The following C6orf163 variants were observed in gnomAD, a reference collection of about 807,000 sequenced individuals.
C6orf163 encodes chromosome 6 open reading frame 163, also known as uncharacterized protein C6orf163.
In C6orf163, 22 loss-of-function variants were observed where a neutral mutation model predicts 28.4. The ratio of observed to expected loss-of-function variants is 0.78; its 90% CI spans 0.55 to 1.11. The LOEUF is 1.11. C6orf163 is among the 50% of genes least tolerant of loss of function. C6orf163 has a pLI of 0.00. For synonymous variants in C6orf163, 110 were observed against 123.6 expected, an observed-to-expected ratio of 0.89 and a Z score of 0.73; for missense variants, 342 against 389.1, an observed-to-expected ratio of 0.88 and a Z score of 1.02.
At position 87,344,963 on chromosome 6, in the gene C6orf163, C is replaced by T. The variant is rs1028975939; in HGVS notation, c.-137C>T. The T allele has an allele frequency of 6.0e-6, 4 of 663,362 alleles. No individual in the cohort carries two copies. The highest frequency in any genetic ancestry group is 1.0e-5 in the Non-Finnish European group (4 of 401,062). The allele number at this position is 663,362 out of a possible 1,614,324, so 41.1% of individuals were successfully genotyped here. A position where few individuals can be genotyped will look rare whatever the true frequency, so the allele number is the denominator to read the frequency against. On this transcript the variant is annotated 5_prime_UTR_variant, in exon 1 of 5. Coordinates refer to ENST00000388923, the MANE Select transcript of C6orf163 (RefSeq NM_001010868.3). Reference sequence around the variant, plus strand: ...GCCTAATCACTTGAACCATTTAATCCTTACCAGCCTCTAGCATTATCCTAA... The same window carrying T: ...GCCTAATCACTTGAACCATTTAATCTTTACCAGCCTCTAGCATTATCCTAA...
intron 4 of C6orf163, chr6:87,358,188 TAAG>T (rs1193228693): frequency 6.6e-6 from 1 of 152,096 alleles, no homozygotes; most frequent in African/African-American, 2.4e-5. Flanking sequence ...CATCAAGACT[TAAG>T]GATTCAGAAC....
In C6orf163 at chr6:87,356,440, C is replaced by T; in HGVS notation, c.491C>T (p.Ala164Val). ...MMECHREKVE[A>V]VEKARAEERH... ...GAATGCCACAGAGAGAAGGTCGAAG[C>T]TGTGGAGAAAGCCAGGGCTGAAGAA... The change falls in exon 4 of 5, where the codon GCT (alanine) becomes GTT (valine). Residue 164 changes from alanine (A) to valine (V), a missense_variant. Physicochemically the swap from Ala to Val is moderately conservative, Grantham distance 64. Coordinates refer to ENST00000388923, the MANE Select transcript of C6orf163 (RefSeq NM_001010868.3). 6.4e-7 allele frequency: 1 copy of T among 1,551,768 alleles called. No homozygotes were observed. Among genetic ancestry groups the T allele is most frequent in the Non-Finnish European group, 8.7e-7 (1 of 1,147,008 alleles).
At chr6:87,348,318 C>T (rs1388590458) in intron 1 of C6orf163, 1 of 985,410 alleles carries the variant, frequency 1.0e-6, no homozygotes, top group Non-Finnish European at 1.2e-6. Flanking sequence ...AAATAGTAAA[C>T]TTCTACCCCT....
At chr6:87,354,683 T>C (rs1777471609) in intron 3 of C6orf163, among the ~76,000 whole-genome samples, 1 of 152,234 alleles carries the variant, frequency 6.6e-6, no homozygotes, top group South Asian at 2.1e-4. Context: ...TTGGAGAGAT[T>C]CTTAAAGTTG....
Position 87,350,521 on chromosome 6 carries a change from T to G in C6orf163, c.351+20T>G. The stretch of plus-strand genomic sequence containing the variant: ...TTACAGGTTTTTATAGTGGCTTATT[T>G]GTTGTCTTTTAAAAGTAATTACATT... On this transcript the variant is annotated intron_variant, in intron 3 of 4. Coordinates refer to ENST00000388923, the MANE Select transcript of C6orf163 (RefSeq NM_001010868.3). 7.4e-7 allele frequency: 1 copy of G among 1,351,090 alleles called. No individual in the cohort carries two copies. Among genetic ancestry groups the G allele is most frequent in the Non-Finnish European group, 1.0e-6 (1 of 991,084 alleles). The allele number at this position is 1,351,090 out of a possible 1,614,324, so 83.7% of individuals were successfully genotyped here. A position where few individuals can be genotyped will look rare whatever the true frequency, so the allele number is the denominator to read the frequency against.
intron 3 of C6orf163, among the ~76,000 whole-genome samples, chr6:87,353,558 G>A (rs1777453225): frequency 6.6e-6 from 1 of 151,748 alleles, no homozygotes; most frequent in Non-Finnish European, 1.5e-5. Context: ...GTTTGCAAGA[G>A]TTCCATTAAA....
intron 1 of C6orf163, chr6:87,347,565 T>C: frequency 1.0e-6 from 1 of 985,454 alleles, no homozygotes. Context: ...TATGCTGCCC[T>C]GTGTTTTTAA....
intron 3 of C6orf163, among the ~76,000 whole-genome samples, chr6:87,355,834 T>C (rs1777492789): frequency 6.6e-6 from 1 of 152,176 alleles, no homozygotes; most frequent in South Asian, 2.1e-4. Flanking sequence ...TTTGTGGCTC[T>C]GTTTTCCACA....
chr6:87,355,441 G>T (rs1049111660), intron 3 of C6orf163, among the ~76,000 whole-genome samples: 3 of 151,958 alleles, frequency 2.0e-5, no homozygotes, highest in East Asian at 1.9e-4. Flanking sequence ...AGTGTCTGTC[G>T]TCTCAGCTAC....
chr6:87,352,575 T>C (rs533362729), intron 3 of C6orf163, among the ~76,000 whole-genome samples: 2 of 152,318 alleles, frequency 1.3e-5, no homozygotes, highest in Middle Eastern at 3.4e-3. Context: ...AAGGTGTTTA[T>C]ATTATTGAAA....
At chr6:87,361,787 C>G (rs1245543228) in intron 4 of C6orf163, among the ~76,000 whole-genome samples, 7 of 152,136 alleles carry the variant, frequency 4.6e-5, no homozygotes, top group Non-Finnish European at 8.8e-5. Context: ...CCCACTTCTC[C>G]CATATGCTTG....
chr6:87,357,072 TC>T (rs1737329329), intron 4 of C6orf163: 1 of 154,028 alleles, frequency 6.5e-6, no homozygotes, highest in African/African-American at 2.4e-5. Flanking sequence ...CCCTACACCC[TC>T]CCTGCCTCCC....
chr6:87,348,907 G>C lies in C6orf163; in HGVS notation c.243+1G>C. On this transcript the variant is annotated splice_donor_variant, in intron 2 of 4. Transcript: ENST00000388923. LOFTEE classifies it high-confidence loss of function. ...AGCAGAAGCTGAAGTATGGGCTCAG[G>C]TAAAAGAAGTTACATGTCAACCTAA... is the stretch of plus-strand genomic sequence containing the variant. 6 of 1,536,284 alleles carry C rather than the reference G, an allele frequency of 3.9e-6. No individual in the cohort carries two copies. The highest frequency in any genetic ancestry group is 4.4e-6 in the Non-Finnish European group (5 of 1,146,688).
At chr6:87,345,374 G>A (rs1489242042) in intron 1 of C6orf163, 127 bp downstream of exon 1, 1 of 883,712 alleles carries the variant, frequency 1.1e-6, no homozygotes, top group Non-Finnish European at 1.6e-6. Context: ...GATATTTGAG[G>A]AGAATATGGG....
intron 3 of C6orf163, among the ~76,000 whole-genome samples, chr6:87,354,927 GCT>G (rs2127933016): frequency 6.6e-6 from 1 of 152,334 alleles, no homozygotes; most frequent in African/African-American, 2.4e-5. Context: ...AACAGAGCTG[GCT>G]CTCTCAGGGG....
chr6:87,361,861 C>T (rs1777584854), intron 4 of C6orf163, among the ~76,000 whole-genome samples: 1 of 152,150 alleles, frequency 6.6e-6, no homozygotes, highest in Non-Finnish European at 1.5e-5. Flanking sequence ...TTCTCTCCCT[C>T]TTCCCAACCC....
At chr6:87,356,797 T>G in intron 4 of C6orf163, 1 of 305,252 alleles carries the variant, frequency 3.3e-6, no homozygotes, top group Non-Finnish European at 6.1e-6. Flanking sequence ...TTCTTGTCCC[T>G]GCTTGAAAGA....
chr6:87,353,898 C>A (rs142598023), intron 3 of C6orf163, among the ~76,000 whole-genome samples: 14 of 152,302 alleles, frequency 9.2e-5, no homozygotes, highest in African/African-American at 3.4e-4. Context: ...GTAGCCCACG[C>A]AGGAGTGCAG....
chr6:87,347,805 G>A, intron 1 of C6orf163: 2 of 985,522 alleles, frequency 2.0e-6, no homozygotes, highest in Non-Finnish European at 2.4e-6. Flanking sequence ...CCGGCAGCTG[G>A]GAAAGGAGGA....
Sources: allele counts gnomAD v4.1 joint callset (sites outside exome capture counted in the v4.1 genomes callset), GRCh38; gene constraint gnomAD v4.1.1; transcripts MANE v1.5; gene names NCBI Gene and HGNC (gene_info 2026-07-23, HGNC 2026-07-21).